Variants in IFT52 observed in about 807,000 individuals in gnomAD.
IFT52 encodes intraflagellar transport protein 52 homolog.
IFT52 carries 44 observed loss-of-function variants against 54.4 expected under a neutral mutation model. That is an observed-to-expected ratio of 0.81 (90% CI 0.63 to 1.04). The LOEUF (loss-of-function observed/expected upper bound fraction) is 1.04, where lower values mean the gene tolerates loss of function less well. Ranked by LOEUF, IFT52 falls within the 50% of genes least tolerant of loss-of-function variation. The probability of loss-of-function intolerance (pLI) is 0.00; values close to 1 mark genes in which losing one functional copy is unlikely to be tolerated. For missense variants in IFT52, 452 were observed against 523.6 expected, an observed-to-expected ratio of 0.86 and a Z score of 1.33; for synonymous variants, 181 against 185.3, an observed-to-expected ratio of 0.98 and a Z score of 0.19.
chr20:43,598,091 G>A (rs1209859688), intron 3 of IFT52, among the ~76,000 whole-genome samples: 1 of 152,008 alleles, frequency 6.6e-6, no homozygotes, highest in East Asian at 1.9e-4. Flanking sequence ...TACATACAAT[G>A]GAATATTATT....
At chr20:43,621,890 G>T (rs1323558109) in intron 9 of IFT52, among the ~76,000 whole-genome samples, 1 of 152,198 alleles carries the variant, frequency 6.6e-6, no homozygotes, top group African/African-American at 2.4e-5. Context: ...TTCCACATAA[G>T]TCATCTTATT....
chr20:43,613,666 A>G (rs1983628600), intron 6 of IFT52, among the ~76,000 whole-genome samples, 184 bp from the exon 7 acceptor site: 1 of 152,242 alleles, frequency 6.6e-6, no homozygotes, highest in African/African-American at 2.4e-5. Context: ...CTGAGGCTGC[A>G]GAACAGCTTA....
chr20:43,608,083 C>G (rs1238801089), intron 6 of IFT52, among the ~76,000 whole-genome samples: 3 of 152,066 alleles, frequency 2.0e-5, no homozygotes, highest in Non-Finnish European at 4.4e-5. Context: ...TTGCAGTGAG[C>G]CGAGATGGCA....
intron 1 of IFT52, among the ~76,000 whole-genome samples, chr20:43,591,571 C>T (rs1981521639): frequency 6.6e-6 from 1 of 152,164 alleles, no homozygotes; most frequent in Admixed American, 6.5e-5. Flanking sequence ...ATAGATGTAT[C>T]ACGGTGGTGG....
Position 43,620,911 on chromosome 20 carries a change from G to T in IFT52, c.754G>T (p.Ala252Ser). Residue 252 changes from alanine to serine, a missense_variant, in exon 9 of 14, where the codon GCT (alanine) becomes TCT (serine). Coordinates refer to ENST00000373030, the MANE Select transcript of IFT52 (RefSeq NM_016004.5). Reference protein sequence around the residue: ...TGDIHLNQIDAEDPEISDYMM... With the variant: ...TGDIHLNQIDSEDPEISDYMM... ...AGACATCCACCTAAACCAGATTGATGCTGAGGACCCAGAGGTAGACACCGA... is the reference window on the plus strand; with the variant it reads ...AGACATCCACCTAAACCAGATTGATTCTGAGGACCCAGAGGTAGACACCGA... 6.2e-7 allele frequency: 1 copy of T among 1,611,502 alleles called. No individual in the cohort carries two copies. The highest frequency in any genetic ancestry group is 8.5e-7 in the Non-Finnish European group (1 of 1,178,780).
chr20:43,603,531 G>A (rs1314717690), intron 3 of IFT52, among the ~76,000 whole-genome samples: 1 of 152,180 alleles, frequency 6.6e-6, no homozygotes, highest in Non-Finnish European at 1.5e-5. Flanking sequence ...TTGCTCTCTA[G>A]ATAGTCAGCT....
chr20:43,604,453 G>A (rs1316395759), intron 5 of IFT52, among the ~76,000 whole-genome samples, 195 bp downstream of exon 5: 3 of 152,138 alleles, frequency 2.0e-5, no homozygotes, highest in South Asian at 4.1e-4. Context: ...GCAGGCGCCT[G>A]TAATCCCAGC....
chr20:43,608,112 G>A lies in IFT52; in HGVS notation c.485+3039G>A, dbSNP rs1466071256. ...GATGGCAGCAGTATAGTCCAGCTTCGGCTCGGCATCAGAGGGAGACCGTGG... is the reference window on the plus strand; with the variant it reads ...GATGGCAGCAGTATAGTCCAGCTTCAGCTCGGCATCAGAGGGAGACCGTGG... On this transcript the variant is annotated intron_variant, in intron 6 of 13. Transcript: ENST00000373030. Among the ~76,000 whole-genome samples, 5 of 152,312 alleles carry A rather than the reference G, an allele frequency of 3.3e-5. No homozygotes were observed. In the South Asian group the frequency reaches 6.2e-4, roughly 19 times the overall value.
At chr20:43,598,928 G>A (rs568745074) in intron 3 of IFT52, among the ~76,000 whole-genome samples, 1 of 152,244 alleles carries the variant, frequency 6.6e-6, no homozygotes, top group African/African-American at 2.4e-5. Context: ...GCAGGCCAAG[G>A]TCTCCTGCTG....
intron 10 of IFT52, among the ~76,000 whole-genome samples, chr20:43,634,486 A>G (rs565126201): frequency 6.6e-6 from 1 of 152,354 alleles, no homozygotes; most frequent in Admixed American, 6.5e-5. Flanking sequence ...ATGAAATTAA[A>G]TTCCATTAAA....
chr20:43,625,215 A>T (rs6030993), intron 10 of IFT52, among the ~76,000 whole-genome samples: 129,700 of 152,056 alleles, frequency 0.85, 55,633 homozygotes, highest in African/African-American at 0.95. Context: ...ATTGCATTTT[A>T]AATAGGGTGT....
chr20:43,629,055 C>T (rs191595047), intron 10 of IFT52, among the ~76,000 whole-genome samples: 5 of 152,096 alleles, frequency 3.3e-5, no homozygotes, highest in East Asian at 1.9e-4. Flanking sequence ...GTGTAGCTGC[C>T]GGCAGAGTGG....
intron 6 of IFT52, among the ~76,000 whole-genome samples, chr20:43,607,454 A>G (rs1243070094): frequency 4.5e-5 from 6 of 133,632 alleles, no homozygotes; most frequent in South Asian, 2.5e-4. Context: ...CTTCTCAGAC[A>G]GGGCGGCTGG....
At chr20:43,622,623 C>CAT (rs1568767431) in intron 9 of IFT52, among the ~76,000 whole-genome samples, 2 of 146,858 alleles carry the variant, frequency 1.4e-5, no homozygotes, top group African/African-American at 2.5e-5. Context: ...ATTTTTTATA[C>CAT]ATATATATAT....
intron 1 of IFT52, among the ~76,000 whole-genome samples, chr20:43,593,998 TA>T (rs1216335697): frequency 6.6e-6 from 1 of 152,152 alleles, no homozygotes; most frequent in Non-Finnish European, 1.5e-5. Flanking sequence ...AATAAAACTG[TA>T]AGTTAATATA....
At chr20:43,607,581 G>C (rs1376798036) in intron 6 of IFT52, among the ~76,000 whole-genome samples, 1 of 147,676 alleles carries the variant, frequency 6.8e-6, no homozygotes, top group African/African-American at 2.5e-5. Context: ...GGGCGGCCGG[G>C]CAGAGATGCT....
intron 10 of IFT52, among the ~76,000 whole-genome samples, chr20:43,631,036 A>G (rs1162747584): frequency 1.3e-5 from 2 of 152,186 alleles, no homozygotes; most frequent in Non-Finnish European, 2.9e-5. Context: ...GTGAGCAGGT[A>G]GTAAGAATTT....
Position 43,620,907 on chromosome 20 carries a change from T to C in IFT52, c.750T>C (p.Ile250=). 3.7e-6 allele frequency: 6 copies of C among 1,612,574 alleles called. No individual in the cohort carries two copies. The highest frequency in any genetic ancestry group is 4.2e-6 in the Non-Finnish European group (5 of 1,179,198). The change falls in exon 9 of 14, where the codon ATT becomes ATC. Residue 250 remains isoleucine (I), a synonymous_variant. Transcript: ENST00000373030. ...LTTGDIHLNQ[I]DAEDPEISDY... ...CAGGAGACATCCACCTAAACCAGAT[T>C]GATGCTGAGGACCCAGAGGTAGACA...
chr20:43,595,667 C>G (rs1981900704), intron 2 of IFT52, among the ~76,000 whole-genome samples: 1 of 152,150 alleles, frequency 6.6e-6, no homozygotes. Context: ...AGGCAGATCA[C>G]TAGAGGTCAA....
Sources: gnomAD v4.1 joint callset for allele counts (sites outside exome capture counted in the v4.1 genomes callset) on GRCh38, gnomAD v4.1.1 for gene constraint, MANE v1.5 for transcripts, NCBI Gene and HGNC (gene_info 2026-07-23, HGNC 2026-07-21) for gene names.